The following DPP10 variants were observed in gnomAD, a reference collection of about 807,000 sequenced individuals.
The protein encoded by DPP10 is inactive dipeptidyl peptidase 10.
In DPP10, 33 loss-of-function variants were observed where a neutral mutation model predicts 120.9. That is an observed-to-expected ratio of 0.27 (90% CI 0.21 to 0.37). The LOEUF (loss-of-function observed/expected upper bound fraction) is 0.37. Ranked by LOEUF, DPP10 falls within the 10% of genes least tolerant of loss-of-function variation. DPP10 has a pLI of 1.00. For synonymous variants in DPP10, 337 were observed against 326.1 expected (o/e 1.03, Z -0.36); for missense variants, 816 against 942.8 (o/e 0.87, Z 1.76).
intron 3 of DPP10, among the ~76,000 whole-genome samples, chr2:115,422,510 G>T (rs994501149): frequency 6.6e-6 from 1 of 152,136 alleles, no homozygotes; most frequent in South Asian, 2.1e-4. Flanking sequence ...AAGATTATTG[G>T]AAGGCTGAAA....
intron 1 of DPP10, among the ~76,000 whole-genome samples, chr2:114,924,369 A>G (rs944072727): frequency 3.9e-5 from 6 of 152,072 alleles, no homozygotes; most frequent in Admixed American, 3.3e-4. Context: ...TCTCTGAAAA[A>G]CACAAAAATT....
At chr2:115,266,880 T>C (rs1259115111) in intron 1 of DPP10, among the ~76,000 whole-genome samples, 2 of 152,184 alleles carry the variant, frequency 1.3e-5, no homozygotes, top group Admixed American at 6.5e-5. Flanking sequence ...AAGCAAAAGC[T>C]CTTGTGATTT....
intron 5 of DPP10, among the ~76,000 whole-genome samples, chr2:115,598,496 T>C (rs1336066357): frequency 6.6e-6 from 1 of 151,968 alleles, no homozygotes; most frequent in Admixed American, 6.6e-5. Flanking sequence ...TTTATATCCT[T>C]TATAATGAAC....
chr2:114,994,992 G>A (rs1700988463), intron 1 of DPP10, among the ~76,000 whole-genome samples: 2 of 152,320 alleles, frequency 1.3e-5, no homozygotes, highest in South Asian at 4.1e-4. Context: ...CCTTCACGGT[G>A]TCTGGCCGTT....
chr2:114,650,220 C>A (rs963072043), intron 1 of DPP10, among the ~76,000 whole-genome samples: 1 of 151,978 alleles, frequency 6.6e-6, no homozygotes, highest in Admixed American at 6.6e-5. Context: ...GATGTGAGAA[C>A]AAGAAAGGTG....
intron 1 of DPP10, among the ~76,000 whole-genome samples, chr2:114,798,187 C>A (rs900936784): frequency 1.3e-5 from 2 of 152,114 alleles, no homozygotes; most frequent in Non-Finnish European, 1.5e-5. Context: ...GATGGAGTCC[C>A]AGGATGGGCC....
intron 5 of DPP10, among the ~76,000 whole-genome samples, chr2:115,552,707 T>C (rs2079951272): frequency 6.6e-6 from 1 of 152,068 alleles, no homozygotes; most frequent in Non-Finnish European, 1.5e-5. Context: ...TCAATAAATA[T>C]TCATCAATAT....
rs1321018207 is a variant in DPP10, at chr2:114,729,376, A to G, written c.60+286538A>G. Among the ~76,000 whole-genome samples, 7 of 152,220 alleles carry G rather than the reference A, an allele frequency of 4.6e-5. No individual in the cohort carries two copies. In the East Asian group the frequency reaches 1.2e-3, roughly 25 times the overall value. On this transcript the variant is annotated intron_variant, in intron 1 of 25. Coordinates refer to ENST00000410059, the MANE Select transcript of DPP10 (RefSeq NM_020868.6). ...TAAAAATGAAATGACTATGGCTCAT[A>G]TGCACCCCTGAAACCTCTGAGCCTC...
At chr2:115,722,269 T>G (rs778998559) in intron 7 of DPP10, among the ~76,000 whole-genome samples, 4 of 151,724 alleles carry the variant, frequency 2.6e-5, no homozygotes, top group Non-Finnish European at 5.9e-5. Flanking sequence ...CACACAATTT[T>G]TTTAACTCTT....
chr2:114,987,948 C>A (rs1331386819), intron 1 of DPP10, among the ~76,000 whole-genome samples: 2 of 151,840 alleles, frequency 1.3e-5, no homozygotes, highest in Non-Finnish European at 2.9e-5. Flanking sequence ...GGACTACAGG[C>A]ACCTGCCACC....
chr2:115,246,626 G>A (rs923185877), intron 1 of DPP10, among the ~76,000 whole-genome samples: 3 of 152,092 alleles, frequency 2.0e-5, no homozygotes, highest in Non-Finnish European at 4.4e-5. Flanking sequence ...TGTCAAGTAG[G>A]GAGGAGAGGC....
At chr2:114,978,303 A>G (rs1699876144) in intron 1 of DPP10, among the ~76,000 whole-genome samples, 1 of 152,190 alleles carries the variant, frequency 6.6e-6, no homozygotes, top group South Asian at 2.1e-4. Flanking sequence ...AGTAATTTGA[A>G]TTAAAATAAA....
chr2:115,056,375 T>TTTC (rs1403978326), intron 1 of DPP10, among the ~76,000 whole-genome samples: 4 of 151,992 alleles, frequency 2.6e-5, no homozygotes, highest in African/African-American at 7.2e-5. Flanking sequence ...ATAGCTTTTT[T>TTTC]TTCTTCTTCT....
intron 5 of DPP10, among the ~76,000 whole-genome samples, chr2:115,561,027 A>G (rs1252347113): frequency 6.6e-6 from 1 of 152,058 alleles, no homozygotes; most frequent in East Asian, 1.9e-4. Context: ...CATTACCTAA[A>G]TTGAGATGAT....
intron 1 of DPP10, among the ~76,000 whole-genome samples, chr2:114,670,113 G>T (rs1346454696): frequency 6.6e-6 from 1 of 152,130 alleles, no homozygotes; most frequent in East Asian, 1.9e-4. Context: ...TCGGTGTGGA[G>T]ATTCCTCAGG....
intron 1 of DPP10, among the ~76,000 whole-genome samples, chr2:115,077,004 T>C (rs1707856153): frequency 6.6e-6 from 1 of 152,226 alleles, no homozygotes; most frequent in Non-Finnish European, 1.5e-5. Flanking sequence ...TGCAAATATC[T>C]AGTTTTTCCT....
intron 5 of DPP10, among the ~76,000 whole-genome samples, chr2:115,557,237 A>T (rs955250464): frequency 3.3e-5 from 5 of 152,018 alleles, no homozygotes; most frequent in Non-Finnish European, 4.4e-5. Flanking sequence ...GCGGTACCAC[A>T]TTATTTTTTT....
intron 3 of DPP10, among the ~76,000 whole-genome samples, chr2:115,442,310 C>T (rs2072144762): frequency 2.0e-5 from 3 of 151,838 alleles, no homozygotes; most frequent in Non-Finnish European, 4.4e-5. Flanking sequence ...TGCTCCTCTG[C>T]TCCTACCCCT....
intron 1 of DPP10, among the ~76,000 whole-genome samples, chr2:114,518,387 T>C (rs1684782030): frequency 6.6e-6 from 1 of 152,034 alleles, no homozygotes; most frequent in African/African-American, 2.4e-5. Flanking sequence ...CTATTCATTG[T>C]TTTTTTGTTA....
Sources: allele counts gnomAD v4.1 joint callset (sites outside exome capture counted in the v4.1 genomes callset), GRCh38; gene constraint gnomAD v4.1.1; transcripts MANE v1.5; gene names NCBI Gene and HGNC (gene_info 2026-07-23, HGNC 2026-07-21).